The following AP1S3 variants were observed in gnomAD, a reference collection of about 807,000 sequenced individuals.
The protein encoded by AP1S3 is adaptor related protein complex 1 subunit sigma 3.
AP1S3 carries 10 observed loss-of-function variants against 20.9 expected under a neutral mutation model. That is an observed-to-expected ratio of 0.48 (90% CI 0.29 to 0.81). The LOEUF (loss-of-function observed/expected upper bound fraction) is 0.81, where lower values mean the gene tolerates loss of function less well. Among genes scored for constraint, AP1S3 ranks in the 30% least tolerant of loss-of-function variants. The pLI is 0.08. For synonymous variants in AP1S3, 41 were observed against 61.5 expected (o/e 0.67, Z 1.56); for missense variants, 154 against 183.8 (o/e 0.84, Z 0.94).
At chr2:223,820,903 C>A (rs1484134214) in intron 1 of AP1S3, among the ~76,000 whole-genome samples, 1 of 152,138 alleles carries the variant, frequency 6.6e-6, no homozygotes, top group East Asian at 1.9e-4. Context: ...AGTCTCACTG[C>A]CCCAGCTCCT....
chr2:223,834,161 C>A (rs542439996), intron 1 of AP1S3, among the ~76,000 whole-genome samples: 1 of 152,160 alleles, frequency 6.6e-6, no homozygotes, highest in South Asian at 2.1e-4. Context: ...GCCTGCCAAT[C>A]CCAAAGACCT....
At chr2:223,831,930 A>C (rs964380109) in intron 1 of AP1S3, among the ~76,000 whole-genome samples, 1 of 152,036 alleles carries the variant, frequency 6.6e-6, no homozygotes, top group Admixed American at 6.6e-5. Context: ...CAAAAAAATT[A>C]GCTGGGCATG....
intron 3 of AP1S3, among the ~76,000 whole-genome samples, chr2:223,771,773 A>C (rs7603262): frequency 0.26 from 39,803 of 152,152 alleles, 8,407 homozygotes; most frequent in East Asian, 0.58. Context: ...CAAATGCTTC[A>C]AATAATAGTA....
At chr2:223,831,516 A>G (rs2106042079) in intron 1 of AP1S3, among the ~76,000 whole-genome samples, 1 of 152,262 alleles carries the variant, frequency 6.6e-6, no homozygotes, top group East Asian at 1.9e-4. Context: ...TGCCTCTGAC[A>G]TTTGTGTACA....
chr2:223,794,395 G>A (rs1691287308), intron 1 of AP1S3, among the ~76,000 whole-genome samples: 1 of 152,018 alleles, frequency 6.6e-6, no homozygotes, highest in Non-Finnish European at 1.5e-5. Flanking sequence ...TTATCCAGGA[G>A]TCAGACCCTC....
intron 1 of AP1S3, among the ~76,000 whole-genome samples, chr2:223,832,984 A>G (rs1393055793): frequency 6.6e-6 from 1 of 151,972 alleles, no homozygotes; most frequent in Non-Finnish European, 1.5e-5. Flanking sequence ...CCTACTTTAC[A>G]TAAATAACAT....
At chr2:223,832,774 T>C (rs890512413) in intron 1 of AP1S3, among the ~76,000 whole-genome samples, 6 of 151,614 alleles carry the variant, frequency 4.0e-5, no homozygotes, top group African/African-American at 1.5e-4. Context: ...CTCCCTGAGA[T>C]TAAAATGAAC....
intron 1 of AP1S3, among the ~76,000 whole-genome samples, chr2:223,793,703 AAT>A (rs1691267315): frequency 1.3e-5 from 2 of 152,172 alleles, no homozygotes; most frequent in Non-Finnish European, 2.9e-5. Context: ...CATTATTATT[AAT>A]ATAGTCACCA....
intron 1 of AP1S3, among the ~76,000 whole-genome samples, chr2:223,790,381 G>A (rs1691187716): frequency 6.6e-6 from 1 of 151,922 alleles, no homozygotes; most frequent in Non-Finnish European, 1.5e-5. Context: ...ACAGGCACCT[G>A]TCACCATGCC....
chr2:223,784,242 C>T (rs7586725), intron 1 of AP1S3, among the ~76,000 whole-genome samples: 12,639 of 152,130 alleles, frequency 0.083, 742 homozygotes, highest in East Asian at 0.22. Flanking sequence ...TTTCCAAGCA[C>T]CTTTCCCTTT....
intron 1 of AP1S3, among the ~76,000 whole-genome samples, chr2:223,798,935 G>T (rs993539641): frequency 1.3e-5 from 2 of 152,110 alleles, no homozygotes; most frequent in Non-Finnish European, 2.9e-5. Flanking sequence ...AGCTGGGTGT[G>T]GTAGCTGGTA....
intron 1 of AP1S3, among the ~76,000 whole-genome samples, chr2:223,793,594 T>C (rs1034724794): frequency 1.3e-5 from 2 of 151,860 alleles, no homozygotes; most frequent in Non-Finnish European, 2.9e-5. Flanking sequence ...TCAGGAAGAA[T>C]AGCTAAGGAG....
chr2:223,792,465 T>C lies in AP1S3; in HGVS notation c.4-14596A>G, dbSNP rs149175010. 7.3e-4 allele frequency among the ~76,000 whole-genome samples: 111 copies of C among 152,166 alleles called. 4 individuals are homozygous for C. In the East Asian group the frequency reaches 0.018, roughly 24 times the overall value. On this transcript the variant is annotated intron_variant, in intron 1 of 4. Transcript: ENST00000396654. Reference sequence around the variant, plus strand: ...TATTTTATTAAATAAATAAAAATAATCATTTATTAAAAGGATTCCCTATTT... The same window carrying C: ...TATTTTATTAAATAAATAAAAATAACCATTTATTAAAAGGATTCCCTATTT...
At chr2:223,833,720 A>G (rs12373615) in intron 1 of AP1S3, among the ~76,000 whole-genome samples, 52,617 of 151,988 alleles carry the variant, frequency 0.35, 9,507 homozygotes, top group Middle Eastern at 0.44. Context: ...GAGGGCCGCC[A>G]ATTCTTTCTT....
intron 2 of AP1S3, among the ~76,000 whole-genome samples, chr2:223,777,222 C>T (rs1690803648): frequency 6.6e-6 from 1 of 152,170 alleles, no homozygotes; most frequent in Admixed American, 6.5e-5. Context: ...ATGGTGAAAC[C>T]CCGTCTCTCT....
rs533052785 is a variant in AP1S3 at position 223,824,478 on chromosome 2, A to T, written c.3+12970T>A. Among the ~76,000 whole-genome samples the T allele has an allele frequency of 9.2e-5, 14 of 152,322 alleles. No individual in the cohort carries two copies. In the South Asian group the frequency reaches 2.9e-3, roughly 32 times the overall value. The stretch of plus-strand genomic sequence containing the variant: ...CCTAAGCCATGCGGTTGAGTGGCTG[A>T]GGCACCGCCTGACTTTGGATAAGCC... On this transcript the variant is annotated intron_variant, in intron 1 of 4. Coordinates refer to ENST00000396654, the MANE Select transcript of AP1S3 (RefSeq NM_001039569.2).
At chr2:223,826,501 G>A (rs893932106) in intron 1 of AP1S3, among the ~76,000 whole-genome samples, 1 of 152,172 alleles carries the variant, frequency 6.6e-6, no homozygotes, top group Non-Finnish European at 1.5e-5. Context: ...GCTGAGGCAT[G>A]AGAATCGCTT....
chr2:223,805,549 T>C (rs1480516072), intron 1 of AP1S3, among the ~76,000 whole-genome samples: 1 of 152,222 alleles, frequency 6.6e-6, no homozygotes, highest in Admixed American at 6.5e-5. Flanking sequence ...AAGATAAAAT[T>C]TAGCCTCAAA....
intron 1 of AP1S3, among the ~76,000 whole-genome samples, chr2:223,783,193 T>TC (rs1453453161): frequency 6.6e-6 from 1 of 152,146 alleles, no homozygotes; most frequent in Non-Finnish European, 1.5e-5. Flanking sequence ...GGAGGGACTC[T>TC]CCCAGGAGAC....
Sources: allele counts gnomAD v4.1 joint callset (sites outside exome capture counted in the v4.1 genomes callset), GRCh38; gene constraint gnomAD v4.1.1; transcripts MANE v1.5; gene names NCBI Gene and HGNC (gene_info 2026-07-23, HGNC 2026-07-21).